Variants in NSD2 observed in about 807,000 individuals in gnomAD.
NSD2 encodes nuclear receptor binding SET domain protein 2.
A neutral mutation model predicts 139.0 loss-of-function variants in NSD2; 12 were observed. The ratio of observed to expected loss-of-function variants is 0.09; its 90% CI spans 0.06 to 0.14. The LOEUF (loss-of-function observed/expected upper bound fraction) is 0.14. Ranked by LOEUF, NSD2 falls within the 10% of genes least tolerant of loss-of-function variation. NSD2 has a pLI of 1.00. For synonymous variants in NSD2, 669 were observed against 648.7 expected, an observed-to-expected ratio of 1.03 and a Z score of -0.48; for missense variants, 1,155 against 1,745.0, an observed-to-expected ratio of 0.66 and a Z score of 6.02.
At chr4:1,930,919 G>A (rs1251278431) in intron 6 of NSD2, 149 bp downstream of exon 6, 9 of 981,122 alleles carry the variant, frequency 9.2e-6, no homozygotes, top group East Asian at 2.6e-5. Flanking sequence ...AGTGCGTGTG[G>A]TCACAGTAAA....
chr4:1,911,616 A>AAAG (rs1718702489), intron 3 of NSD2, among the ~76,000 whole-genome samples: 4 of 150,844 alleles, frequency 2.7e-5, no homozygotes, highest in South Asian at 2.1e-4. Context: ...AAGAAAAAAA[A>AAAG]AAAGAAAGAA....
chr4:1,924,933 A>C (rs1720660130), intron 5 of NSD2, among the ~76,000 whole-genome samples: 1 of 152,070 alleles, frequency 6.6e-6, no homozygotes, highest in Non-Finnish European at 1.5e-5. Context: ...TCAAAGCAAA[A>C]ACTACAAAAA....
chr4:1,888,276 G>A (rs1389833542), intron 1 of NSD2, among the ~76,000 whole-genome samples: 1 of 151,910 alleles, frequency 6.6e-6, no homozygotes, highest in Non-Finnish European at 1.5e-5. Flanking sequence ...GCCAGGCCTG[G>A]TGTTGGGCAC....
In NSD2 at chr4:1,957,945, C is replaced by G; in HGVS notation, c.2894C>G (p.Ala965Gly). ...ATTGACTTTTTAGCACTGCAAGAAG[C>G]TGAAGCTCGTTTTCGTGAAATTAAG... ...GRVFKNALQE[A>G]EARFREIKLQ... Residue 965 changes from alanine (A) to glycine (G), a missense_variant, in exon 16 of 22, where the codon GCT becomes GGT. By Grantham distance (60) the Ala-to-Gly change is moderately conservative. Coordinates refer to ENST00000508803, the MANE Select transcript of NSD2 (RefSeq NM_001042424.3). The G allele has an allele frequency of 6.2e-7, 1 of 1,614,178 alleles. No homozygotes were observed. The highest frequency in any genetic ancestry group is 8.5e-7 in the Non-Finnish European group (1 of 1,180,034).
chr4:1,877,806 T>C (rs1714372457), intron 1 of NSD2, among the ~76,000 whole-genome samples: 1 of 152,130 alleles, frequency 6.6e-6, no homozygotes, highest in African/African-American at 2.4e-5. Flanking sequence ...GGCTTACCCC[T>C]CACCCTCCTT....
chr4:1,903,982 C>A (rs1006076442), intron 2 of NSD2, among the ~76,000 whole-genome samples: 7 of 152,190 alleles, frequency 4.6e-5, no homozygotes, highest in African/African-American at 1.2e-4. Flanking sequence ...GATCCGCCCA[C>A]GTTGGCCTCC....
chr4:1,904,461 C>G (rs1717619946), intron 3 of NSD2, 83 bp downstream of exon 3: 10 of 1,424,174 alleles, frequency 7.0e-6, no homozygotes, highest in East Asian at 2.3e-5. Flanking sequence ...CTTACTCTTT[C>G]TAAATAGCCC....
At chr4:1,912,469 C>G (rs1438754761) in intron 3 of NSD2, among the ~76,000 whole-genome samples, 1 of 152,064 alleles carries the variant, frequency 6.6e-6, no homozygotes, top group Non-Finnish European at 1.5e-5. Flanking sequence ...TTTTGTTTCC[C>G]TTGGAATTAA....
intron 1 of NSD2, among the ~76,000 whole-genome samples, chr4:1,871,913 C>T (rs1373830120): frequency 1.4e-5 from 2 of 147,498 alleles, no homozygotes; most frequent in African/African-American, 2.4e-5. Context: ...CGGCCGGGCC[C>T]TGCGGCTGCA....
intron 3 of NSD2, among the ~76,000 whole-genome samples, chr4:1,907,615 CTTTTTTT>C (rs765535552): frequency 7.6e-4 from 71 of 93,658 alleles, no homozygotes; most frequent in Middle Eastern, 0.01. Context: ...TGTTGAATCT[CTTTTTTT>C]TTTTTTTTTT....
rs1726815476 is a variant in NSD2, at chr4:1,974,197, G to A, written c.3373-666G>A. On this transcript the variant is annotated intron_variant, in intron 18 of 21. Coordinates refer to ENST00000508803, the MANE Select transcript of NSD2 (RefSeq NM_001042424.3). The surrounding 1 kb of genome is among the most constrained non-coding windows in gnomAD (Gnocchi z 4.0). ...AATTGTTTCTTTGCATCCTTTGCTG[G>A]TTTTCGGTTGGGTGAGTCTTTTTTT... Among the ~76,000 whole-genome samples, 1 of 151,592 alleles carries A rather than the reference G, an allele frequency of 6.6e-6. No homozygotes were observed. The highest frequency in any genetic ancestry group is 1.5e-5 in the Non-Finnish European group (1 of 67,932).
intron 6 of NSD2, among the ~76,000 whole-genome samples, chr4:1,932,118 C>A (rs908918447): frequency 1.3e-5 from 2 of 151,256 alleles, no homozygotes; most frequent in African/African-American, 4.9e-5. Context: ...ATCATTGTCA[C>A]GCGCCCATGA....
chr4:1,945,142 T>C, intron 9 of NSD2: 1 of 1,066,826 alleles, frequency 9.4e-7, no homozygotes. Flanking sequence ...TAGGGAGATC[T>C]GATTTTGTGT....
At chr4:1,966,353 G>C (rs980042838) in intron 18 of NSD2, among the ~76,000 whole-genome samples, 1 of 67,702 alleles carries the variant, frequency 1.5e-5, no homozygotes, top group Non-Finnish European at 3.1e-5. Context: ...TTTGTTTGTT[G>C]TCTGCATGAT....
intron 1 of NSD2, among the ~76,000 whole-genome samples, chr4:1,898,729 TCAG>T: frequency 6.6e-6 from 1 of 151,166 alleles, no homozygotes. Flanking sequence ...GAATCTCTTT[TCAG>T]TTATTTCATA....
intron 9 of NSD2, chr4:1,941,352 T>C (rs916125590): frequency 1.9e-6 from 2 of 1,051,738 alleles, no homozygotes; most frequent in Non-Finnish European, 2.3e-6. Flanking sequence ...AGAGAGAACA[T>C]GGAGCCTGCT....
At chr4:1,941,299 G>A (rs1339088067) in intron 9 of NSD2, 2 of 1,056,052 alleles carry the variant, frequency 1.9e-6, no homozygotes, top group East Asian at 1.1e-4. Context: ...TTTTGGTCCG[G>A]TTATTCACTT....
chr4:1,959,582 C>T lies in NSD2; in HGVS notation c.3097C>T (p.Leu1033=), dbSNP rs1386818443. The T allele has an allele frequency of 6.2e-7, 1 of 1,614,174 alleles. No homozygotes were observed. Among genetic ancestry groups the T allele is most frequent in the Non-Finnish European group, 8.5e-7 (1 of 1,180,046 alleles). The change falls in exon 17 of 22, where the codon CTG becomes TTG. Residue 1033 remains leucine (L), a synonymous_variant. Coordinates refer to ENST00000508803, the MANE Select transcript of NSD2 (RefSeq NM_001042424.3). ...ENPCGFDSEC[L]NRMLMFECHP... Reference sequence around the variant, plus strand: ...TCCTTGTGGCTTTGATTCGGAGTGTCTGAACAGGATGCTGATGTTTGAGTG... The same window carrying T: ...TCCTTGTGGCTTTGATTCGGAGTGTTTGAACAGGATGCTGATGTTTGAGTG...
chr4:1,982,006 G>T lies in NSD2; in HGVS notation c.*3097G>T. ...CAATGTAAGGTCAGATTCCTTTTAG[G>T]AATACTGGGTGCTGTCACCAGGTTT... is the stretch of plus-strand genomic sequence containing the variant. On this transcript the variant is annotated 3_prime_UTR_variant, in exon 22 of 22. Coordinates refer to ENST00000508803, the MANE Select transcript of NSD2 (RefSeq NM_001042424.3). 2.5e-6 allele frequency: 1 copy of T among 398,452 alleles called. No individual in the cohort carries two copies. The highest frequency in any genetic ancestry group is 1.3e-4 in the South Asian group (1 of 7,796). 24.7% of individuals were successfully genotyped at this position (398,452 alleles called of 1,614,324 possible). A position where few individuals can be genotyped will look rare whatever the true frequency, so the allele number is the denominator to read the frequency against.
Sources: allele counts gnomAD v4.1 joint callset (sites outside exome capture counted in the v4.1 genomes callset), GRCh38; gene constraint gnomAD v4.1.1; non-coding constraint Gnocchi (gnomAD v3.1); transcripts MANE v1.5; gene names NCBI Gene and HGNC (gene_info 2026-07-23, HGNC 2026-07-21).